The following OTUD7A variants were observed in gnomAD, a reference collection of about 807,000 sequenced individuals.
OTUD7A encodes the protein OTU domain-containing protein 7A.
A neutral mutation model predicts 65.7 loss-of-function variants in OTUD7A; 12 were observed. The ratio of observed to expected loss-of-function variants is 0.18; its 90% confidence interval spans 0.12 to 0.30. The LOEUF (loss-of-function observed/expected upper bound fraction) is 0.30, where lower values mean the gene tolerates loss of function less well. Ranked by LOEUF, OTUD7A falls within the 10% of genes least tolerant of loss-of-function variation. OTUD7A has a pLI of 1.00. For missense variants in OTUD7A, 1,148 were observed against 1,304.8 expected, an observed-to-expected ratio of 0.88 and a Z score of 1.85; for synonymous variants, 641 against 586.3, an observed-to-expected ratio of 1.09 and a Z score of -1.35.
At chr15:31,569,972 G>A in intron 4 of OTUD7A, 46 bp downstream of exon 4, 1 of 1,602,756 alleles carries the variant, frequency 6.2e-7, no homozygotes. Flanking sequence ...AAGCTGCGGT[G>A]CACTGGCCTG....
At chr15:31,660,207 G>A (rs1892122380) in intron 1 of OTUD7A, among the ~76,000 whole-genome samples, 1 of 152,232 alleles carries the variant, frequency 6.6e-6, no homozygotes, top group Non-Finnish European at 1.5e-5. Context: ...CATCTTGTCC[G>A]GCCTGGCGAG....
At chr15:31,638,369 TAAAG>T (rs1891403394) in intron 3 of OTUD7A, among the ~76,000 whole-genome samples, 2 of 139,320 alleles carry the variant, frequency 1.4e-5, no homozygotes, top group Admixed American at 8.1e-5. Flanking sequence ...CAGAATAGTA[TAAAG>T]ATAACTTTTT....
intron 3 of OTUD7A, among the ~76,000 whole-genome samples, chr15:31,614,498 C>A (rs1392430949): frequency 6.6e-6 from 1 of 152,038 alleles, no homozygotes; most frequent in Non-Finnish European, 1.5e-5. Flanking sequence ...ACTACCTTGA[C>A]TTTTAAATGG....
chr15:31,592,935 A>G (rs1380617456), intron 3 of OTUD7A, among the ~76,000 whole-genome samples: 18 of 95,080 alleles, frequency 1.9e-4, no homozygotes, highest in African/African-American at 9.1e-4. Flanking sequence ...ATATATATAT[A>G]TGTATATATA....
intron 3 of OTUD7A, among the ~76,000 whole-genome samples, chr15:31,605,023 T>C (rs1157413660): frequency 2.6e-5 from 4 of 152,192 alleles, no homozygotes; most frequent in African/African-American, 9.6e-5. Flanking sequence ...CTGGGTGCAG[T>C]GTGGCTAGGA....
intron 1 of OTUD7A, among the ~76,000 whole-genome samples, chr15:31,741,499 A>G (rs1311536782): frequency 6.6e-6 from 1 of 152,200 alleles, no homozygotes; most frequent in Non-Finnish European, 1.5e-5. Context: ...ATATACACAT[A>G]GATATTTAAT....
intron 1 of OTUD7A, among the ~76,000 whole-genome samples, chr15:31,697,904 T>A (rs140376434): frequency 6.6e-6 from 1 of 152,110 alleles, no homozygotes; most frequent in Non-Finnish European, 1.5e-5. Flanking sequence ...GGTCACCTTA[T>A]CTCCACAGCT....
At chr15:31,633,707 A>C (rs901170067) in intron 3 of OTUD7A, among the ~76,000 whole-genome samples, 1 of 152,064 alleles carries the variant, frequency 6.6e-6, no homozygotes, top group African/African-American at 2.4e-5. Context: ...GCCTCCTGTA[A>C]CTTGTGCCTA....
intron 10 of OTUD7A, among the ~76,000 whole-genome samples, chr15:31,492,045 T>C (rs1347415010): frequency 6.6e-6 from 1 of 152,262 alleles, no homozygotes; most frequent in Non-Finnish European, 1.5e-5. Context: ...AACTTGTATT[T>C]ACACAATTAA....
At chr15:31,537,354 A>T (rs1339847274) in intron 5 of OTUD7A, among the ~76,000 whole-genome samples, 3 of 152,240 alleles carry the variant, frequency 2.0e-5, no homozygotes, top group Non-Finnish European at 4.4e-5. Context: ...AAATAAAAGC[A>T]TGTATTAAAA....
At chr15:31,554,568 G>A (rs1888430037) in intron 5 of OTUD7A, among the ~76,000 whole-genome samples, 1 of 152,106 alleles carries the variant, frequency 6.6e-6, no homozygotes, top group Non-Finnish European at 1.5e-5. Flanking sequence ...TCCTCCCCTG[G>A]AGCACAACTC....
At position 31,487,998 on chromosome 15, in the gene OTUD7A, T is replaced by C. The variant is rs905106216; in HGVS notation, c.1172-432A>G. On this transcript the variant is annotated intron_variant, in intron 10 of 12. Coordinates refer to ENST00000307050, the MANE Select transcript of OTUD7A (RefSeq NM_001382637.1). The surrounding 1 kb of genome is among the most constrained non-coding windows in gnomAD (Gnocchi z 6.0). ...CAAGTCAGGTGAGCAAGGGTGTTGCTGACCTCTACTGGTTTGTAATTTTGT... is the reference window on the plus strand; with the variant it reads ...CAAGTCAGGTGAGCAAGGGTGTTGCCGACCTCTACTGGTTTGTAATTTTGT... Among the ~76,000 whole-genome samples, 3 of 152,200 alleles carry C rather than the reference T, an allele frequency of 2.0e-5. No individual in the cohort carries two copies. The highest frequency in any genetic ancestry group is 2.9e-5 in the Non-Finnish European group (2 of 68,032).
intron 8 of OTUD7A, among the ~76,000 whole-genome samples, chr15:31,516,501 G>C (rs900841554): frequency 6.6e-6 from 1 of 152,146 alleles, no homozygotes. Flanking sequence ...GGAGGGTCCT[G>C]GTTCTATACC....
chr15:31,629,578 G>T (rs941198796), intron 3 of OTUD7A, among the ~76,000 whole-genome samples: 2 of 152,146 alleles, frequency 1.3e-5, no homozygotes, highest in African/African-American at 4.8e-5. Context: ...TCTCTGCCAG[G>T]CTTTGGTATC....
intron 1 of OTUD7A, among the ~76,000 whole-genome samples, chr15:31,798,097 A>G (rs1011815544): frequency 1.2e-4 from 18 of 152,192 alleles, no homozygotes; most frequent in African/African-American, 3.6e-4. Context: ...ATTAGAGCTC[A>G]CCCACAGGGC....
At chr15:31,639,186 C>T (rs371026380) in intron 3 of OTUD7A, among the ~76,000 whole-genome samples, 31 of 152,096 alleles carry the variant, frequency 2.0e-4, no homozygotes, top group African/African-American at 7.2e-4. Flanking sequence ...CTGTCTGAGG[C>T]AATCACTGAC....
intron 1 of OTUD7A, among the ~76,000 whole-genome samples, chr15:31,854,395 T>C (rs938718604): frequency 2.0e-5 from 3 of 152,232 alleles, no homozygotes; most frequent in African/African-American, 7.2e-5. Flanking sequence ...GCAGAGGTTC[T>C]GAGAATTAGG....
At chr15:31,754,462 T>C (rs1894753272) in intron 1 of OTUD7A, among the ~76,000 whole-genome samples, 3 of 152,206 alleles carry the variant, frequency 2.0e-5, no homozygotes, top group South Asian at 2.1e-4. Context: ...GTTTTTCCAA[T>C]GTTATCTTTT....
chr15:31,800,305 C>T (rs1595778309), intron 1 of OTUD7A, among the ~76,000 whole-genome samples: 1 of 152,250 alleles, frequency 6.6e-6, no homozygotes, highest in East Asian at 1.9e-4. Context: ...CCCGGGAGGC[C>T]TGTACTCTTG....
Sources: allele counts gnomAD v4.1 joint callset (sites outside exome capture counted in the v4.1 genomes callset), GRCh38; gene constraint gnomAD v4.1.1; non-coding constraint Gnocchi (gnomAD v3.1); transcripts MANE v1.5; gene names NCBI Gene and HGNC (gene_info 2026-07-23, HGNC 2026-07-21).